MEGF6: variants seen among roughly 807,000 people sequenced by gnomAD.
The protein encoded by MEGF6 is multiple epidermal growth factor-like domains protein 6.
In MEGF6, 184 loss-of-function variants were observed where a neutral mutation model predicts 207.1. The ratio of observed to expected loss-of-function variants is 0.89; its 90% CI spans 0.79 to 1.00. The LOEUF is 1.00. Among genes scored for constraint, MEGF6 ranks in the 50% least tolerant of loss-of-function variants. The probability of loss-of-function intolerance (pLI) is 0.00; values close to 1 mark genes in which losing one functional copy is unlikely to be tolerated. For missense variants in MEGF6, 2,282 were observed against 2,202.9 expected, an observed-to-expected ratio of 1.04 and a Z score of -0.72; for synonymous variants, 1,038 against 910.0, an observed-to-expected ratio of 1.14 and a Z score of -2.53.
chr1:3,494,590 T>TCCCGCTGGC (rs1553189042), intron 31 of MEGF6, 23 bp downstream of exon 31: 11 of 1,559,258 alleles, frequency 7.1e-6, no homozygotes, highest in African/African-American at 1.4e-5. Context: ...GATGCTGGGG[T>TCCCGCTGGC]CCCGCTGGCC....
At chr1:3,584,378 G>A (rs1363876504) in intron 3 of MEGF6, among the ~76,000 whole-genome samples, 1 of 152,236 alleles carries the variant, frequency 6.6e-6, no homozygotes, top group East Asian at 1.9e-4. Context: ...CAGAGCCCTT[G>A]GCAACTTTTC....
chr1:3,581,503 G>A (rs1242789990), intron 3 of MEGF6, among the ~76,000 whole-genome samples: 1 of 152,210 alleles, frequency 6.6e-6, no homozygotes, highest in Non-Finnish European at 1.5e-5. Context: ...CCAGGGACCG[G>A]GGACCAACCC....
chr1:3,490,899 C>T lies in MEGF6; in HGVS notation c.4564+13G>A. Reference sequence around the variant, plus strand: ...CTCCTGGCAAGCCCACGGGCATTCCCCACACCCCTTACCTGAGCCCTGGGC... The same window carrying T: ...CTCCTGGCAAGCCCACGGGCATTCCTCACACCCCTTACCTGAGCCCTGGGC... On this transcript the variant is annotated intron_variant, in intron 36 of 36. Transcript: ENST00000356575. 1 of 1,582,546 alleles carries T rather than the reference C, an allele frequency of 6.3e-7. No homozygotes were observed. The highest frequency in any genetic ancestry group is 8.6e-7 in the Non-Finnish European group (1 of 1,163,890).
intron 3 of MEGF6, among the ~76,000 whole-genome samples, chr1:3,581,176 GCCAGCAC>G (rs1181693638): frequency 6.6e-6 from 1 of 152,164 alleles, no homozygotes; most frequent in Non-Finnish European, 1.5e-5. Context: ...TATGCCCAAG[GCCAGCAC>G]CCAAACCTGG....
the MEGF6 span, among the ~76,000 whole-genome samples, chr1:3,616,657 G>T: frequency 6.6e-6 from 1 of 152,304 alleles, no homozygotes; most frequent in East Asian, 1.9e-4. Flanking sequence ...ACGTAACTGA[G>T]TCTATGGCCA....
chr1:3,585,882 CAT>C (rs960461263), intron 3 of MEGF6, among the ~76,000 whole-genome samples: 7 of 141,800 alleles, frequency 4.9e-5, no homozygotes, highest in Non-Finnish European at 7.6e-5. Context: ...TGTGAGGACA[CAT>C]GTCCTGTGTG....
intron 2 of MEGF6, among the ~76,000 whole-genome samples, chr1:3,597,594 C>A (rs1026338771): frequency 1.3e-5 from 2 of 152,166 alleles, no homozygotes; most frequent in African/African-American, 2.4e-5. Flanking sequence ...CAGTGACGGG[C>A]GCCCTTATAA....
intron 5 of MEGF6, among the ~76,000 whole-genome samples, chr1:3,520,470 GT>G (rs1641702870): frequency 6.6e-6 from 1 of 152,194 alleles, no homozygotes; most frequent in Admixed American, 6.5e-5. Context: ...GCGGGCTCAG[GT>G]TTAGGGGCTG....
At chr1:3,624,352 G>T in the MEGF6 span, 1 of 152,402 alleles carries the variant, frequency 6.6e-6, no homozygotes. Context: ...TCTCTGGGCA[G>T]CCCTCTCTGT....
chr1:3,564,400 G>A (rs772638740), intron 4 of MEGF6, among the ~76,000 whole-genome samples: 24 of 152,090 alleles, frequency 1.6e-4, no homozygotes, highest in African/African-American at 7.2e-5. Context: ...GGGGAGCTGT[G>A]CAGAGGTCAC....
In MEGF6 at chr1:3,512,906, G is replaced by A. The variant is rs543829094; in HGVS notation, c.854-778C>T. Among the ~76,000 whole-genome samples, 16 of 152,282 alleles carry A rather than the reference G, an allele frequency of 1.1e-4. No homozygotes were observed. The East Asian group carries it at 1.5e-3, about 15-fold the overall frequency. On this transcript the variant is annotated intron_variant, in intron 7 of 36. Transcript: ENST00000356575. Reference sequence around the variant, plus strand: ...TGGACCACTGGGGCAGTGGCAGCCCGACCCCTCCCCAAGGCTGCTTGGCCC... The same window carrying A: ...TGGACCACTGGGGCAGTGGCAGCCCAACCCCTCCCCAAGGCTGCTTGGCCC...
intron 3 of MEGF6, among the ~76,000 whole-genome samples, chr1:3,580,262 T>C (rs1343732481): frequency 1.9e-4 from 1 of 5,338 alleles, no homozygotes; most frequent in South Asian, 4.9e-3. Flanking sequence ...GGAGGGAAGG[T>C]GGGGGTGCAG....
chr1:3,528,495 C>G (rs1642040386), intron 4 of MEGF6, among the ~76,000 whole-genome samples: 2 of 152,328 alleles, frequency 1.3e-5, no homozygotes, highest in African/African-American at 4.8e-5. Context: ...CATCCTCATC[C>G]ACAGACCCTC....
intron 2 of MEGF6, among the ~76,000 whole-genome samples, chr1:3,596,407 C>A (rs1221912420): frequency 6.6e-6 from 1 of 151,958 alleles, no homozygotes; most frequent in Non-Finnish European, 1.5e-5. Context: ...CAGCACCGTG[C>A]AGTCCACAAA....
At chr1:3,497,804 G>C (rs1258589916) in intron 26 of MEGF6, among the ~76,000 whole-genome samples, 2 of 152,200 alleles carry the variant, frequency 1.3e-5, no homozygotes, top group African/African-American at 4.8e-5. Context: ...CTCCTGACCT[G>C]AGCAAGGGAC....
intron 5 of MEGF6, among the ~76,000 whole-genome samples, chr1:3,522,880 C>G (rs116320079): frequency 9.2e-5 from 14 of 152,308 alleles, no homozygotes; most frequent in Non-Finnish European, 1.6e-4. Flanking sequence ...CCTGAGGGGA[C>G]CAGGGGGTGC....
In MEGF6 at chr1:3,505,405, C is replaced by G. The variant is rs906659764; in HGVS notation, c.2053+17G>C. ...ACCCTGGCGCCCCCCGCCCCCAGAC[C>G]CCATGCCTGGACTCACCTGCCTGAC... is the stretch of plus-strand genomic sequence containing the variant. On this transcript the variant is annotated intron_variant, in intron 16 of 36. Transcript: ENST00000356575. 5.0e-6 allele frequency: 8 copies of G among 1,602,454 alleles called. No homozygotes were observed. In the African/African-American group the frequency reaches 8.1e-5, roughly 16 times the overall value.
rs1643948263 is a variant in MEGF6 at position 3,589,829 on chromosome 1, T to TG, written c.376+5508dup. Among the ~76,000 whole-genome samples the TG allele has an allele frequency of 7.2e-5, 11 of 152,386 alleles. No homozygotes were observed. The South Asian group carries it at 2.3e-3, about 32-fold the overall frequency. ...GCTTCTTTATTTTCCTTTTCTAAGATGGCCTCAAGATTCAAGGTGCAATTA... is the reference window on the plus strand; with the variant it reads ...GCTTCTTTATTTTCCTTTTCTAAGATGGGCCTCAAGATTCAAGGTGCAATTA... On this transcript the variant is annotated intron_variant, in intron 3 of 36. Coordinates refer to ENST00000356575, the MANE Select transcript of MEGF6 (RefSeq NM_001409.4).
intron 4 of MEGF6, among the ~76,000 whole-genome samples, chr1:3,532,161 G>A (rs1453572668): frequency 6.6e-6 from 1 of 152,234 alleles, no homozygotes; most frequent in Non-Finnish European, 1.5e-5. Context: ...CAGAGCCCTG[G>A]GTCCCCACGC....
Sources: allele counts gnomAD v4.1 joint callset (sites outside exome capture counted in the v4.1 genomes callset), GRCh38; gene constraint gnomAD v4.1.1; transcripts MANE v1.5; gene names NCBI Gene and HGNC (gene_info 2026-07-23, HGNC 2026-07-21).